The following EYS variants were observed in gnomAD, a reference collection of about 807,000 sequenced individuals.
The protein encoded by EYS is EGF-like photoreceptor maintenance factor.
A neutral mutation model predicts 282.1 loss-of-function variants in EYS; 250 were observed. That is an observed-to-expected ratio of 0.89 (90% confidence interval 0.80 to 0.98). EYS has a LOEUF of 0.98. Ranked by LOEUF, EYS falls within the 50% of genes least tolerant of loss-of-function variation. The probability of loss-of-function intolerance (pLI) is 0.00; values close to 1 mark genes in which losing one functional copy is unlikely to be tolerated. For missense variants in EYS, 4,016 were observed against 3,709.0 expected (o/e 1.08, Z -2.15); for synonymous variants, 1,355 against 1,282.9 (o/e 1.06, Z -1.20).
intron 22 of EYS, among the ~76,000 whole-genome samples, chr6:64,665,326 T>G (rs977458892): frequency 1.3e-5 from 2 of 152,188 alleles, no homozygotes; most frequent in African/African-American, 4.8e-5. Flanking sequence ...AAACATAATT[T>G]AATTGTTGTA....
chr6:65,275,276 C>T lies in EYS; in HGVS notation c.2023+20587G>A, dbSNP rs192006929. Reference sequence around the variant, plus strand: ...AACAGCTGTTGGTATGTTACTGGACCTTAGTCGGAACTGAATTTTCACATG... The same window carrying T: ...AACAGCTGTTGGTATGTTACTGGACTTTAGTCGGAACTGAATTTTCACATG... On this transcript the variant is annotated intron_variant, in intron 12 of 42. Coordinates refer to ENST00000503581, the MANE Select transcript of EYS (RefSeq NM_001142800.2). Among the ~76,000 whole-genome samples the T allele has an allele frequency of 7.9e-5, 12 of 152,302 alleles. No individual in the cohort carries two copies. In the East Asian group the frequency reaches 1.7e-3, roughly 22 times the overall value.
chr6:64,024,116 TGCAGGC>T (rs1382204079), intron 33 of EYS, among the ~76,000 whole-genome samples: 1 of 152,110 alleles, frequency 6.6e-6, no homozygotes, highest in Non-Finnish European at 1.5e-5. Flanking sequence ...GGCTGAGGAG[TGCAGGC>T]GCAGGGCGCA....
chr6:64,388,899 AAATT>A (rs1773002891), intron 28 of EYS, 59 bp from the exon 29 acceptor site: 8 of 1,056,378 alleles, frequency 7.6e-6, no homozygotes, highest in East Asian at 3.1e-5. Flanking sequence ...TTTATCTGAC[AAATT>A]AATTAAACTA....
At chr6:64,906,396 T>A (rs1236959451) in intron 16 of EYS, among the ~76,000 whole-genome samples, 1 of 152,198 alleles carries the variant, frequency 6.6e-6, no homozygotes. Context: ...GCTATTAACC[T>A]TAACAGGTAT....
chr6:64,759,296 T>A (rs1773083991), intron 22 of EYS, among the ~76,000 whole-genome samples: 1 of 152,204 alleles, frequency 6.6e-6, no homozygotes, highest in South Asian at 2.1e-4. Context: ...TGAAATCAGC[T>A]CATGGATTTA....
intron 14 of EYS, among the ~76,000 whole-genome samples, chr6:64,964,503 G>A (rs533076841): frequency 2.8e-4 from 43 of 151,582 alleles, no homozygotes; most frequent in African/African-American, 5.6e-4. Context: ...GAGATAATTC[G>A]TATATTCTAA....
chr6:65,113,994 T>G (rs1775294193), intron 12 of EYS, among the ~76,000 whole-genome samples: 1 of 152,006 alleles, frequency 6.6e-6, no homozygotes, highest in Admixed American at 6.6e-5. Context: ...CATGAAAATC[T>G]TTGGTCTCCT....
chr6:64,016,371 C>G (rs1768890290), intron 33 of EYS, among the ~76,000 whole-genome samples: 1 of 152,050 alleles, frequency 6.6e-6, no homozygotes, highest in South Asian at 2.1e-4. Context: ...ATTGAGGCAC[C>G]TAGGGGTTAA....
chr6:64,138,668 T>C (rs575525463), intron 31 of EYS, among the ~76,000 whole-genome samples: 3 of 152,262 alleles, frequency 2.0e-5, no homozygotes, highest in East Asian at 3.9e-4. Context: ...AAAACCCTAG[T>C]TGACTAGAGA....
intron 31 of EYS, among the ~76,000 whole-genome samples, chr6:64,202,487 ATAAGT>A (rs1174293733): frequency 6.6e-6 from 1 of 152,196 alleles, no homozygotes; most frequent in Non-Finnish European, 1.5e-5. Context: ...ATTTCAGAAA[ATAAGT>A]TATGTGCTAG....
intron 26 of EYS, among the ~76,000 whole-genome samples, chr6:64,505,709 A>C (rs115031170): frequency 0.021 from 3,264 of 152,290 alleles, 60 homozygotes; most frequent in African/African-American, 0.053. Flanking sequence ...TATCAATTAA[A>C]CTCTTTAACC....
At position 64,686,838 on chromosome 6, in the gene EYS, CGTGTATATATAT is replaced by C. The variant is rs1770146142; in HGVS notation, c.3444-60605_3444-60594del. 1.4e-4 allele frequency among the ~76,000 whole-genome samples: 2 copies of C among 14,160 alleles called. 1 individual carries two copies. The highest frequency in any genetic ancestry group is 5.8e-4 in the Non-Finnish European group (2 of 3,426). 9.3% of individuals were successfully genotyped at this position (14,160 alleles called of 152,430 possible). A position where few individuals can be genotyped will look rare whatever the true frequency, so the allele number is the denominator to read the frequency against. On this transcript the variant is annotated intron_variant, in intron 22 of 42. Transcript: ENST00000503581. ...ATATATATGTGTATATATATATATA[CGTGTATATATAT>C]ATATGTGTATATATATACGTGTATA...
intron 12 of EYS, among the ~76,000 whole-genome samples, chr6:65,277,159 G>T (rs1768070562): frequency 6.6e-6 from 1 of 152,136 alleles, no homozygotes; most frequent in South Asian, 2.1e-4. Flanking sequence ...CCAGGGCTGG[G>T]TGCAGTGGCT....
At chr6:64,478,167 A>G (rs1776330202) in intron 26 of EYS, among the ~76,000 whole-genome samples, 1 of 152,042 alleles carries the variant, frequency 6.6e-6, no homozygotes, top group African/African-American at 2.4e-5. Flanking sequence ...CCATCTATTA[A>G]AAAAGGTGTT....
At chr6:64,969,466 A>T (rs12195184) in intron 14 of EYS, among the ~76,000 whole-genome samples, 53,576 of 151,974 alleles carry the variant, frequency 0.35, 11,579 homozygotes, top group Admixed American at 0.49. Flanking sequence ...AATAATCACC[A>T]TTTTAAAGAA....
intron 2 of EYS, among the ~76,000 whole-genome samples, chr6:65,541,086 A>C (rs532184066): frequency 1.5e-5 from 1 of 64,688 alleles, no homozygotes. Context: ...TCTTGCTGAC[A>C]CTTTTTTTCC....
At chr6:64,318,190 G>A (rs1370556002) in intron 29 of EYS, among the ~76,000 whole-genome samples, 1 of 151,728 alleles carries the variant, frequency 6.6e-6, no homozygotes, top group Non-Finnish European at 1.5e-5. Flanking sequence ...AAAACACCCA[G>A]AATTCTCCCT....
intron 12 of EYS, among the ~76,000 whole-genome samples, chr6:65,176,554 T>C (rs1765230707): frequency 6.6e-6 from 1 of 151,684 alleles, no homozygotes; most frequent in Non-Finnish European, 1.5e-5. Flanking sequence ...CTATATACTT[T>C]TCACTTAAAT....
chr6:64,861,317 C>T (rs887649643), intron 19 of EYS, among the ~76,000 whole-genome samples: 11 of 152,208 alleles, frequency 7.2e-5, no homozygotes, highest in Admixed American at 1.3e-4. Context: ...CAACAGCACA[C>T]GGGCTTGGCC....
Sources: allele counts gnomAD v4.1 joint callset (sites outside exome capture counted in the v4.1 genomes callset), GRCh38; gene constraint gnomAD v4.1.1; transcripts MANE v1.5; gene names NCBI Gene and HGNC (gene_info 2026-07-23, HGNC 2026-07-21).